The following TRAPPC9 variants were observed in gnomAD, a reference collection of about 807,000 sequenced individuals.
TRAPPC9 encodes IKK2 binding protein.
In TRAPPC9, 83 loss-of-function variants were observed where a neutral mutation model predicts 124.0. That is an observed-to-expected ratio of 0.67 (90% CI 0.56 to 0.80). The LOEUF (loss-of-function observed/expected upper bound fraction) is 0.80, where lower values mean the gene tolerates loss of function less well. TRAPPC9 is among the 30% of genes least tolerant of loss of function. TRAPPC9 has a pLI of 0.00. For synonymous variants in TRAPPC9, 638 were observed against 617.5 expected, an observed-to-expected ratio of 1.03 and a Z score of -0.49; for missense variants, 1,302 against 1,508.3, an observed-to-expected ratio of 0.86 and a Z score of 2.27.
chr8:139,764,288 G>A (rs903802740), intron 21 of TRAPPC9, among the ~76,000 whole-genome samples: 3 of 152,198 alleles, frequency 2.0e-5, no homozygotes, highest in Non-Finnish European at 2.9e-5. Context: ...CAGGGGCAGT[G>A]AAATGGGGTG....
intron 21 of TRAPPC9, among the ~76,000 whole-genome samples, chr8:139,736,630 C>T (rs906898708): frequency 2.0e-5 from 3 of 152,010 alleles, no homozygotes; most frequent in Non-Finnish European, 4.4e-5. Flanking sequence ...CCCTGGGACC[C>T]CCAGGGTACA....
chr8:140,061,745 A>T (rs1398140093), intron 17 of TRAPPC9, among the ~76,000 whole-genome samples: 1 of 152,176 alleles, frequency 6.6e-6, no homozygotes, highest in African/African-American at 2.4e-5. Flanking sequence ...CGGAAGGGGG[A>T]GAGGCTGAGA....
At chr8:139,902,789 C>T (rs1831101164) in intron 20 of TRAPPC9, among the ~76,000 whole-genome samples, 1 of 152,112 alleles carries the variant, frequency 6.6e-6, no homozygotes, top group Non-Finnish European at 1.5e-5. Context: ...GTGCCTGAGT[C>T]CCGCCTCTGT....
At position 140,333,860 on chromosome 8, in the gene TRAPPC9, A is replaced by C. The variant is rs553634314; in HGVS notation, c.1496-22486T>G. ...CATTTCCACAAAGGTGGAAGTTTAA[A>C]GTAAGGGAATTTATAGCCCTTCCCA... On this transcript the variant is annotated intron_variant, in intron 9 of 22. Coordinates refer to ENST00000438773, the MANE Select transcript of TRAPPC9 (RefSeq NM_001160372.4). 2.6e-5 allele frequency among the ~76,000 whole-genome samples: 4 copies of C among 152,372 alleles called. No individual in the cohort carries two copies. The South Asian group carries it at 8.3e-4, about 32-fold the overall frequency.
chr8:139,948,719 C>A (rs1174519189), intron 19 of TRAPPC9, among the ~76,000 whole-genome samples: 1 of 152,192 alleles, frequency 6.6e-6, no homozygotes, highest in Admixed American at 6.5e-5. Flanking sequence ...ACAGGTGCCC[C>A]CTTTGCAGCC....
chr8:140,181,461 T>C (rs1166300671), intron 17 of TRAPPC9, among the ~76,000 whole-genome samples: 1 of 152,152 alleles, frequency 6.6e-6, no homozygotes, highest in African/African-American at 2.4e-5. Context: ...GTTTTGTTTT[T>C]TGTATTTTTA....
At chr8:140,389,987 G>T (rs973865689) in intron 7 of TRAPPC9, among the ~76,000 whole-genome samples, 1 of 152,126 alleles carries the variant, frequency 6.6e-6, no homozygotes, top group Admixed American at 6.6e-5. Context: ...CAGCTCTAAG[G>T]CTCCTAACAG....
intron 17 of TRAPPC9, among the ~76,000 whole-genome samples, chr8:140,100,839 C>T (rs56242925): frequency 6.6e-6 from 1 of 152,184 alleles, no homozygotes; most frequent in Admixed American, 6.5e-5. Flanking sequence ...GGGCCTCTTC[C>T]GTGCCTTTCC....
intron 21 of TRAPPC9, among the ~76,000 whole-genome samples, chr8:139,840,855 T>A (rs1826680801): frequency 6.6e-6 from 1 of 152,222 alleles, no homozygotes; most frequent in Non-Finnish European, 1.5e-5. Context: ...GAACAGAGTT[T>A]TCTGCTACTT....
rs577869469 is a variant in TRAPPC9, at chr8:139,886,086, C to T, written c.2965-117G>A. 97 of 957,726 alleles carry T rather than the reference C, an allele frequency of 1.0e-4. 1 individual carries two copies. The East Asian group carries it at 2.5e-3, about 25-fold the overall frequency. 59.3% of individuals were successfully genotyped at this position (957,726 alleles called of 1,614,324 possible). A position where few individuals can be genotyped will look rare whatever the true frequency, so the allele number is the denominator to read the frequency against. ...ACCTCCTACAGCAGATGTCTCCCCT[C>T]TTCTGAAGGGACTGTCTAACCAACC... On this transcript the variant is annotated intron_variant, in intron 20 of 22. Transcript: ENST00000438773.
intron 19 of TRAPPC9, among the ~76,000 whole-genome samples, chr8:139,950,933 G>C (rs1834602275): frequency 6.6e-6 from 1 of 152,224 alleles, no homozygotes. Context: ...CCGCCTTACA[G>C]CCAAACAAAT....
chr8:140,342,412 G>A (rs569935406), intron 9 of TRAPPC9, among the ~76,000 whole-genome samples: 53 of 152,104 alleles, frequency 3.5e-4, no homozygotes, highest in Non-Finnish European at 7.5e-4. Flanking sequence ...TACCAAGCAG[G>A]CATTTTATTA....
chr8:140,433,074 G>A (rs543135338), intron 4 of TRAPPC9, among the ~76,000 whole-genome samples: 9 of 145,786 alleles, frequency 6.2e-5, no homozygotes, highest in South Asian at 4.4e-4. Flanking sequence ...AGGCCGAAGC[G>A]GGTGGATCAC....
At chr8:140,430,675 G>A (rs2070607767) in intron 4 of TRAPPC9, among the ~76,000 whole-genome samples, 1 of 152,184 alleles carries the variant, frequency 6.6e-6, no homozygotes, top group Non-Finnish European at 1.5e-5. Context: ...GTCTTGCCCT[G>A]TAGCCCAGGC....
chr8:140,193,432 C>G (rs1225564617), intron 17 of TRAPPC9, among the ~76,000 whole-genome samples: 4 of 152,108 alleles, frequency 2.6e-5, no homozygotes, highest in Non-Finnish European at 4.4e-5. Flanking sequence ...AGCCTAGCTT[C>G]TTACCTGAGT....
At chr8:139,834,506 C>G (rs1445764013) in intron 21 of TRAPPC9, among the ~76,000 whole-genome samples, 1 of 152,246 alleles carries the variant, frequency 6.6e-6, no homozygotes, top group African/African-American at 2.4e-5. Flanking sequence ...GGGGACCCCT[C>G]CACCGCCAGC....
intron 18 of TRAPPC9, among the ~76,000 whole-genome samples, chr8:140,012,333 T>C (rs1587489332): frequency 1.3e-5 from 2 of 152,170 alleles, no homozygotes; most frequent in Non-Finnish European, 2.9e-5. Flanking sequence ...GCCACAGTTA[T>C]TTACTATGTC....
At chr8:140,156,577 C>T (rs78416427) in intron 17 of TRAPPC9, among the ~76,000 whole-genome samples, 4,121 of 152,290 alleles carry the variant, frequency 0.027, 70 homozygotes, top group African/African-American at 0.05. Context: ...GTCTCTGCAG[C>T]GGGAGCCTCG....
At chr8:140,143,214 G>T (rs1199618837) in intron 17 of TRAPPC9, among the ~76,000 whole-genome samples, 1 of 152,202 alleles carries the variant, frequency 6.6e-6, no homozygotes, top group Non-Finnish European at 1.5e-5. Flanking sequence ...GTGGTGTACA[G>T]GCATCCATCA....
Sources: gnomAD v4.1 joint callset for allele counts (sites outside exome capture counted in the v4.1 genomes callset) on GRCh38, gnomAD v4.1.1 for gene constraint, MANE v1.5 for transcripts, NCBI Gene and HGNC (gene_info 2026-07-23, HGNC 2026-07-21) for gene names.